The following TMEM178B variants were observed in gnomAD, a reference collection of about 807,000 sequenced individuals.
TMEM178B encodes the protein transmembrane protein 178B.
In TMEM178B, 5 loss-of-function variants were observed where a neutral mutation model predicts 31.0. That is an observed-to-expected ratio of 0.16 (90% confidence interval 0.08 to 0.34). The LOEUF (loss-of-function observed/expected upper bound fraction) is 0.34, where lower values mean the gene tolerates loss of function less well. TMEM178B is among the 10% of genes least tolerant of loss of function. The pLI is 1.00. For synonymous variants in TMEM178B, 164 were observed against 164.0 expected (o/e 1.00, Z 0.00); for missense variants, 275 against 400.3 (o/e 0.69, Z 2.67).
Position 141,081,600 on chromosome 7 carries a change from C to T in TMEM178B, c.382+6908C>T, listed in dbSNP as rs540519225. On this transcript the variant is annotated intron_variant, in intron 1 of 3. Transcript: ENST00000565468. ...GTAGTGAGCTGAGATTGCACCATTG[C>T]GCTCCAGCCTGGGTAACAATAGTGA... Among the ~76,000 whole-genome samples the T allele has an allele frequency of 3.1e-4, 47 of 150,220 alleles. 1 individual carries two copies. The South Asian group carries it at 7.1e-3, about 23-fold the overall frequency.
At chr7:141,076,683 C>T (rs1161779352) in intron 1 of TMEM178B, among the ~76,000 whole-genome samples, 1 of 152,150 alleles carries the variant, frequency 6.6e-6, no homozygotes, top group Non-Finnish European at 1.5e-5. Context: ...GAAGAATGTA[C>T]AACATTTTGA....
intron 1 of TMEM178B, among the ~76,000 whole-genome samples, chr7:141,164,273 C>T (rs1400028008): frequency 6.6e-6 from 1 of 152,166 alleles, no homozygotes; most frequent in Non-Finnish European, 1.5e-5. Context: ...GTAATCTATT[C>T]CGAAATGTAA....
At chr7:141,239,952 A>G (rs981598303) in intron 2 of TMEM178B, among the ~76,000 whole-genome samples, 1 of 152,230 alleles carries the variant, frequency 6.6e-6, no homozygotes, top group Non-Finnish European at 1.5e-5. Context: ...GTAGCCACCT[A>G]AAAAAATAAA....
intron 2 of TMEM178B, chr7:141,431,283 G>A (rs1261287270): frequency 6.6e-6 from 1 of 151,930 alleles, no homozygotes; most frequent in African/African-American, 2.4e-5. Flanking sequence ...TCTAAGTGGT[G>A]TTTATTTAAA....
intron 3 of TMEM178B, among the ~76,000 whole-genome samples, chr7:141,440,160 C>A (rs1801631363): frequency 6.6e-6 from 1 of 152,234 alleles, no homozygotes; most frequent in Non-Finnish European, 1.5e-5. Context: ...TGGAGCCCTG[C>A]CCTTGGACCG....
intron 2 of TMEM178B, among the ~76,000 whole-genome samples, chr7:141,431,844 TC>T (rs1321974339): frequency 6.6e-6 from 1 of 152,078 alleles, no homozygotes; most frequent in African/African-American, 2.4e-5. Context: ...CAGTTAGCAA[TC>T]ACAAAGAAAT....
At chr7:141,324,445 T>G (rs1586892267) in intron 2 of TMEM178B, among the ~76,000 whole-genome samples, 1 of 106,646 alleles carries the variant, frequency 9.4e-6, no homozygotes, top group African/African-American at 3.6e-5. Context: ...TTTTTTTTTT[T>G]TTTTTTTTCC....
chr7:141,236,775 G>A (rs1417914980), intron 2 of TMEM178B, among the ~76,000 whole-genome samples: 11 of 152,156 alleles, frequency 7.2e-5, no homozygotes, highest in Admixed American at 5.9e-4. Flanking sequence ...AAGATTTTTC[G>A]AAGCTTAAGG....
At chr7:141,278,065 T>A (rs998025493) in intron 2 of TMEM178B, among the ~76,000 whole-genome samples, 1 of 152,202 alleles carries the variant, frequency 6.6e-6, no homozygotes, top group African/African-American at 2.4e-5. Context: ...CTTCTTAGAT[T>A]TAAAATACCA....
At chr7:141,239,538 G>A (rs1246452976) in intron 2 of TMEM178B, among the ~76,000 whole-genome samples, 2 of 152,184 alleles carry the variant, frequency 1.3e-5, no homozygotes, top group East Asian at 1.9e-4. Context: ...CTTTGGCCAG[G>A]ATTGATTCCC....
the TMEM178B span, among the ~76,000 whole-genome samples, chr7:141,505,017 A>G: frequency 2.6e-4 from 39 of 152,356 alleles, no homozygotes; most frequent in Non-Finnish European, 4.7e-4. Context: ...AGATATTCCT[A>G]TTTCCTTACA....
At chr7:141,105,366 G>T (rs1795126609) in intron 1 of TMEM178B, among the ~76,000 whole-genome samples, 1 of 152,038 alleles carries the variant, frequency 6.6e-6, no homozygotes, top group South Asian at 2.1e-4. Flanking sequence ...AAATTAGCTG[G>T]CGTGGTGTTG....
intron 2 of TMEM178B, among the ~76,000 whole-genome samples, chr7:141,330,863 C>T (rs762821777): frequency 7.2e-5 from 11 of 152,158 alleles, no homozygotes; most frequent in African/African-American, 2.4e-4. Context: ...CAAGGGATGA[C>T]GGGCTTTGAC....
chr7:141,273,689 C>G (rs1184811637), intron 2 of TMEM178B, among the ~76,000 whole-genome samples: 3 of 152,166 alleles, frequency 2.0e-5, no homozygotes, highest in Non-Finnish European at 2.9e-5. Flanking sequence ...TTTATTCTCT[C>G]ATTGCCTCCA....
chr7:141,155,453 A>G (rs1057377184), intron 1 of TMEM178B, among the ~76,000 whole-genome samples: 1 of 152,192 alleles, frequency 6.6e-6, no homozygotes, highest in African/African-American at 2.4e-5. Context: ...AAATACACCC[A>G]CCATGATTTC....
At position 141,202,305 on chromosome 7, in the gene TMEM178B, G is replaced by A. The variant is rs1446789715; in HGVS notation, c.383-10286G>A. 4.8e-5 allele frequency among the ~76,000 whole-genome samples: 6 copies of A among 123,766 alleles called. No individual in the cohort carries two copies. The South Asian group carries it at 1.1e-3, about 22-fold the overall frequency. The allele number at this position is 123,766 out of a possible 152,430, so 81.2% of individuals were successfully genotyped here. On this transcript the variant is annotated intron_variant, in intron 1 of 3. Transcript: ENST00000565468. ...CTGATGAATATATAATAAATGTGTT[G>A]CAATAGAACCAGCAGAAGGTGTTTA... is the stretch of plus-strand genomic sequence containing the variant.
intron 1 of TMEM178B, among the ~76,000 whole-genome samples, chr7:141,209,396 C>T (rs188439715): frequency 7.6e-4 from 116 of 152,334 alleles, no homozygotes; most frequent in African/African-American, 2.7e-3. Context: ...CTGCAACAAT[C>T]GCCTCCTTTA....
chr7:141,415,772 G>T (rs1801085298), intron 2 of TMEM178B, among the ~76,000 whole-genome samples: 1 of 152,132 alleles, frequency 6.6e-6, no homozygotes, highest in African/African-American at 2.4e-5. Context: ...TGAGAAACTG[G>T]GTTTTAGAAG....
intron 2 of TMEM178B, among the ~76,000 whole-genome samples, chr7:141,219,559 TG>T (rs1797221354): frequency 6.6e-6 from 1 of 152,190 alleles, no homozygotes; most frequent in South Asian, 2.1e-4. Flanking sequence ...GCCAACAGCG[TG>T]TCATCATAGG....
Sources: allele counts gnomAD v4.1 joint callset (sites outside exome capture counted in the v4.1 genomes callset), GRCh38; gene constraint gnomAD v4.1.1; transcripts MANE v1.5; gene names NCBI Gene and HGNC (gene_info 2026-07-23, HGNC 2026-07-21).